Variants in TMF1 observed in about 807,000 individuals in gnomAD.
TMF1 encodes the protein TATA element modulatory factor 1, also known as TATA element modulatory factor.
Under a neutral mutation model 126.5 loss-of-function variants are expected in TMF1, and 71 were observed. The observed-to-expected ratio is 0.56, with a 90% CI of 0.46 to 0.68. The LOEUF (loss-of-function observed/expected upper bound fraction) is 0.68. Ranked by LOEUF, TMF1 falls within the 30% of genes least tolerant of loss-of-function variation. The probability of loss-of-function intolerance (pLI) is 0.00; values close to 1 mark genes in which losing one functional copy is unlikely to be tolerated. For synonymous variants in TMF1, 461 were observed against 430.5 expected (o/e 1.07, Z -0.88); for missense variants, 1,259 against 1,253.2 (o/e 1.00, Z -0.07).
At chr3:69,046,789 A>C (rs945425989) in intron 2 of TMF1, among the ~76,000 whole-genome samples, 4 of 152,162 alleles carry the variant, frequency 2.6e-5, no homozygotes, top group African/African-American at 9.7e-5. Flanking sequence ...TATCAATAGG[A>C]GATCTCAAAA....
chr3:69,032,133 C>T (rs1441859676), intron 10 of TMF1, among the ~76,000 whole-genome samples: 1 of 152,016 alleles, frequency 6.6e-6, no homozygotes, highest in Non-Finnish European at 1.5e-5. Flanking sequence ...ACAAAGGAGG[C>T]CCTATTTTCA....
chr3:69,051,998 A>T lies in TMF1; in HGVS notation c.89T>A (p.Ile30Asn), dbSNP rs2091933705. 6.2e-7 allele frequency: 1 copy of T among 1,614,008 alleles called. No homozygotes were observed. Residue 30 changes from isoleucine to asparagine, a missense_variant, in exon 1 of 17, where the codon ATC becomes AAC. Physicochemically the swap from Ile to Asn is moderately radical, Grantham distance 149 (BLOSUM62 -3). Transcript: ENST00000398559. ...AQKSIDRVLDIQEEEPSIWAE... is the reference protein window; with the variant it reads ...AQKSIDRVLDNQEEEPSIWAE... ...CCAGATGCTCGGCTCCTCTTCCTGG[A>T]TGTCCAGAACCCTGTCAATAGACTT...
At position 69,028,271 on chromosome 3, in the gene TMF1, T is replaced by A; in HGVS notation, c.2619A>T (p.Leu873=). The change falls in exon 12 of 17, where the codon CTA becomes CTT. Residue 873 remains leucine (L), a synonymous_variant. Coordinates refer to ENST00000398559, the MANE Select transcript of TMF1 (RefSeq NM_007114.3). ...CAAGTGTTCTTACATATTCATCTTT[T>A]AGGTTTTCCAATTCAACCTGGTACC... ...NNRYQVELEN[L]KDEYVRTLEE... The A allele has an allele frequency of 6.2e-7, 1 of 1,613,180 alleles. No homozygotes were observed. The highest frequency in any genetic ancestry group is 8.5e-7 in the Non-Finnish European group (1 of 1,179,496).
intron 16 of TMF1, 120 bp from the exon 17 acceptor site, chr3:69,023,440 T>C (rs2091750371): frequency 4.8e-6 from 4 of 827,258 alleles, no homozygotes; most frequent in Admixed American, 3.5e-5. Context: ...TATACTCATC[T>C]CTTTTAAAAA....
rs1395889806 is a variant in TMF1, at chr3:69,024,059, A to T, written c.3134T>A (p.Leu1045Gln). 1 of 1,604,742 alleles carries T rather than the reference A, an allele frequency of 6.2e-7. No homozygotes were observed. The highest frequency in any genetic ancestry group is 1.7e-5 in the Admixed American group (1 of 58,632). The change falls in exon 16 of 17, where the codon CTA becomes CAA. Residue 1045 changes from leucine (L) to glutamine (Q), a missense_variant. Coordinates refer to ENST00000398559, the MANE Select transcript of TMF1 (RefSeq NM_007114.3). Reference sequence around the variant, plus strand: ...CCTTAGGTGAAGAATACTTACTCTTAGCTGAGTTCTAAGTTTGGGTATCTC... The same window carrying T: ...CCTTAGGTGAAGAATACTTACTCTTTGCTGAGTTCTAAGTTTGGGTATCTC... ...VKEIPKLRTQ[L>Q]RDLDQRYNTI...
At chr3:69,033,075 T>C (rs1399944631) in intron 10 of TMF1, among the ~76,000 whole-genome samples, 13 of 151,314 alleles carry the variant, frequency 8.6e-5, no homozygotes, top group African/African-American at 2.9e-4. Context: ...GATTTAGCAA[T>C]GGACAAGAAA....
chr3:69,048,787 G>A (rs1183504114), intron 1 of TMF1: 1 of 409,866 alleles, frequency 2.4e-6, no homozygotes, highest in Non-Finnish European at 4.3e-6. Context: ...GAGGAAGGAG[G>A]AGCACAGACA....
At chr3:69,025,265 G>A (rs1217946369) in intron 15 of TMF1, 3 of 260,176 alleles carry the variant, frequency 1.2e-5, no homozygotes, top group African/African-American at 2.2e-5. Context: ...AGATGCTTAT[G>A]TCTTATGTAG....
At position 69,025,715 on chromosome 3, in the gene TMF1, A is replaced by T; in HGVS notation, c.2860-3T>A. ...AATGAGTGATCATGAGACTCATCCT[A>T]TGTTAATTAAGAAAGTTCACACAGT... On this transcript the variant is annotated splice_region_variant and splice_polypyrimidine_tract_variant and intron_variant, in intron 14 of 16. Coordinates refer to ENST00000398559, the MANE Select transcript of TMF1 (RefSeq NM_007114.3). The T allele has an allele frequency of 6.2e-7, 1 of 1,609,906 alleles. No homozygotes were observed. The highest frequency in any genetic ancestry group is 8.5e-7 in the Non-Finnish European group (1 of 1,178,630).
At position 69,028,126 on chromosome 3, in the gene TMF1, G is replaced by T; in HGVS notation, c.2664+100C>A. On this transcript the variant is annotated intron_variant, in intron 12 of 16. Transcript: ENST00000398559. ...CTAAAGACCAAGTTCCAAAAGCAGTGGCATCACCCATTTCATCTTGTTATC... is the reference window on the plus strand; with the variant it reads ...CTAAAGACCAAGTTCCAAAAGCAGTTGCATCACCCATTTCATCTTGTTATC... The T allele has an allele frequency of 5.1e-6, 6 of 1,175,842 alleles. No individual in the cohort carries two copies. In the South Asian group the frequency reaches 6.5e-5, roughly 13 times the overall value. The allele number at this position is 1,175,842 out of a possible 1,614,324, so 72.8% of individuals were successfully genotyped here.
intron 5 of TMF1, among the ~76,000 whole-genome samples, chr3:69,041,168 C>G (rs897265842): frequency 1.3e-5 from 2 of 152,084 alleles, no homozygotes; most frequent in Admixed American, 6.5e-5. Context: ...ATGCAGTTAG[C>G]CTTCCCCTCA....
intron 2 of TMF1, 86 bp downstream of exon 2, chr3:69,047,272 T>C: frequency 7.1e-7 from 1 of 1,416,440 alleles, no homozygotes; most frequent in Non-Finnish European, 9.5e-7. Context: ...TATAAATTAT[T>C]ATGCATCAAT....
chr3:69,044,155 T>A (rs1025201256), intron 3 of TMF1, among the ~76,000 whole-genome samples: 1 of 152,204 alleles, frequency 6.6e-6, no homozygotes, highest in African/African-American at 2.4e-5. Flanking sequence ...CAATTCTGAA[T>A]CTTCTTGTAT....
chr3:69,026,253 T>G (rs1464871407), intron 13 of TMF1, among the ~76,000 whole-genome samples, 156 bp from the exon 14 acceptor site: 1 of 152,178 alleles, frequency 6.6e-6, no homozygotes, highest in African/African-American at 2.4e-5. Context: ...GAAAAAAAAC[T>G]TTTTTAAGAT....
rs1239581028 is a variant in TMF1 at position 69,029,696 on chromosome 3, C to G, written c.2594+119G>C. 3 of 939,498 alleles carry G rather than the reference C, an allele frequency of 3.2e-6. No individual in the cohort carries two copies. In the African/African-American group the frequency reaches 5.0e-5, roughly 16 times the overall value. 58.2% of individuals were successfully genotyped at this position (939,498 alleles called of 1,614,324 possible). A position where few individuals can be genotyped will look rare whatever the true frequency, so the allele number is the denominator to read the frequency against. On this transcript the variant is annotated intron_variant, in intron 11 of 16. Transcript: ENST00000398559. ...CCTCAAGTGATCCGCCCGCCTTGGC[C>G]TCCCAATGTGCTGGGATTACAGGCG... is the stretch of plus-strand genomic sequence containing the variant.
chr3:69,038,731 T>C lies in TMF1; in HGVS notation c.1995-11A>G, dbSNP rs573320577. 10 of 1,602,892 alleles carry C rather than the reference T, an allele frequency of 6.2e-6. No homozygotes were observed. The highest frequency in any genetic ancestry group is 7.7e-6 in the Non-Finnish European group (9 of 1,175,286). On this transcript the variant is annotated splice_polypyrimidine_tract_variant and intron_variant, in intron 7 of 16. Coordinates refer to ENST00000398559, the MANE Select transcript of TMF1 (RefSeq NM_007114.3). ...AGATCAGTAAGTTCTCTTAAAAAAT[T>C]AGATTGAGTTTATAAATGTTGCCAG...
chr3:69,044,598 G>A lies in TMF1; in HGVS notation c.1348-3C>T. The A allele has an allele frequency of 6.3e-7, 1 of 1,592,684 alleles. No individual in the cohort carries two copies. Among genetic ancestry groups the A allele is most frequent in the Middle Eastern group, 1.7e-4 (1 of 5,994 alleles). ...TTTTCATTCAGAAATTCAACTGTCTGGATAAGGCGAATACATAAAAGTCAG... is the reference window on the plus strand; with the variant it reads ...TTTTCATTCAGAAATTCAACTGTCTAGATAAGGCGAATACATAAAAGTCAG... On this transcript the variant is annotated splice_polypyrimidine_tract_variant and splice_region_variant and intron_variant, in intron 2 of 16. Coordinates refer to ENST00000398559, the MANE Select transcript of TMF1 (RefSeq NM_007114.3).
chr3:69,043,936 T>C (rs2091881067), intron 3 of TMF1, 60 bp from the exon 4 acceptor site: 3 of 1,367,598 alleles, frequency 2.2e-6, no homozygotes, highest in African/African-American at 1.5e-5. Context: ...AAGGTATACA[T>C]GAGTTCAATT....
intron 1 of TMF1, among the ~76,000 whole-genome samples, chr3:69,051,145 A>G (rs1351436035): frequency 6.6e-6 from 1 of 152,188 alleles, no homozygotes; most frequent in African/African-American, 2.4e-5. Flanking sequence ...AAACACGGAT[A>G]TAAACCAAGC....
Sources: allele counts gnomAD v4.1 joint callset (sites outside exome capture counted in the v4.1 genomes callset), GRCh38; gene constraint gnomAD v4.1.1; transcripts MANE v1.5; gene names NCBI Gene and HGNC (gene_info 2026-07-23, HGNC 2026-07-21).